The following SLC4A1AP variants were observed in gnomAD, a reference collection of about 807,000 sequenced individuals.
The protein encoded by SLC4A1AP is kanadaptin.
Under a neutral mutation model 89.7 loss-of-function variants are expected in SLC4A1AP, and 64 were observed. That is an observed-to-expected ratio of 0.71 (90% CI 0.58 to 0.88). SLC4A1AP has a LOEUF of 0.88. SLC4A1AP is among the 40% of genes least tolerant of loss of function. SLC4A1AP has a pLI of 0.00. For synonymous variants in SLC4A1AP, 366 were observed against 353.3 expected (o/e 1.04, Z -0.40); for missense variants, 931 against 965.0 (o/e 0.96, Z 0.47).
exon 1 of SLC4A1AP, chr2:27,664,123 A>T (rs1238073748): frequency 6.2e-7 from 1 of 1,614,024 alleles, no homozygotes; most frequent in Admixed American, 1.7e-5. Context: ...CCTCAGCCGG[A>T]CTGCGGTGAT....
chr2:27,668,344 G>A (rs1184633427), intron 3 of SLC4A1AP, among the ~76,000 whole-genome samples: 1 of 152,106 alleles, frequency 6.6e-6, no homozygotes, highest in East Asian at 1.9e-4. Flanking sequence ...TAGAGACGGG[G>A]TTTCACTGTG....
chr2:27,691,099 C>T (rs977431569), intron 12 of SLC4A1AP, among the ~76,000 whole-genome samples: 1 of 151,996 alleles, frequency 6.6e-6, no homozygotes, highest in African/African-American at 2.4e-5. Flanking sequence ...TTTTGGAATA[C>T]TTTCAGTAAG....
intron 5 of SLC4A1AP, among the ~76,000 whole-genome samples, chr2:27,671,878 T>A (rs539758577): frequency 5.9e-5 from 9 of 152,192 alleles, no homozygotes; most frequent in Non-Finnish European, 1.3e-4. Context: ...GTATAGGAAA[T>A]AAATTTTATT....
rs746700084 is a variant in SLC4A1AP at position 27,664,087 on chromosome 2, A to C, written c.335A>C (p.Asn112Thr). 3.1e-6 allele frequency: 5 copies of C among 1,614,056 alleles called. No homozygotes were observed. The highest frequency in any genetic ancestry group is 1.1e-5 in the South Asian group (1 of 91,090). Reference sequence around the variant, plus strand: ...GGGCCCACTGCGTTGCAGGACTCCAATTCTGGGGAGCCCGACATCCCTCCT... The same window carrying C: ...GGGCCCACTGCGTTGCAGGACTCCACTTCTGGGGAGCCCGACATCCCTCCT... Residue 112 changes from asparagine to threonine, a missense_variant, in exon 1 of 14, where the codon AAT becomes ACT. Physicochemically the swap from Asn to Thr is moderately conservative, Grantham distance 65 (BLOSUM62 0). Transcript: ENST00000613058.
intron 8 of SLC4A1AP, 63 bp downstream of exon 8, chr2:27,677,987 A>G: frequency 9.4e-7 from 1 of 1,064,660 alleles, no homozygotes; most frequent in Admixed American, 2.8e-5. Flanking sequence ...ATTTTCAATT[A>G]TCGCTTTATC....
At chr2:27,679,686 G>C (rs1675587225) in intron 8 of SLC4A1AP, among the ~76,000 whole-genome samples, 1 of 152,078 alleles carries the variant, frequency 6.6e-6, no homozygotes, top group South Asian at 2.1e-4. Flanking sequence ...ATAAGATACA[G>C]AAACACTATC....
chr2:27,664,704 C>G, intron 1 of SLC4A1AP, 127 bp downstream of exon 1: 1 of 719,572 alleles, frequency 1.4e-6, no homozygotes, highest in Non-Finnish European at 2.3e-6. Flanking sequence ...TCAAGTCTGG[C>G]CTATCATCTT....
exon 1 of SLC4A1AP, chr2:27,663,908 G>C (rs147497764): frequency 6.2e-7 from 1 of 1,614,044 alleles, no homozygotes; most frequent in South Asian, 1.1e-5. Context: ...AGTTGCACCG[G>C]TTGAGGATGG....
chr2:27,669,915 G>A (rs1048718942), intron 5 of SLC4A1AP, among the ~76,000 whole-genome samples: 1 of 152,174 alleles, frequency 6.6e-6, no homozygotes, highest in Admixed American at 6.5e-5. Context: ...CCAGGCTAGA[G>A]TGCAATGGCG....
Position 27,682,380 on chromosome 2 carries a change from T to A in SLC4A1AP, c.1875+21T>A. 3 of 1,485,142 alleles carry A rather than the reference T, an allele frequency of 2.0e-6. No individual in the cohort carries two copies. In the Admixed American group the frequency reaches 5.3e-5, roughly 26 times the overall value. 92.0% of individuals were successfully genotyped at this position (1,485,142 alleles called of 1,614,324 possible). ...TAGGGGTAAGTTGTGAGTCAGGGTG[T>A]TAAACTTTTAGCCCTTGAGTTATCC... On this transcript the variant is annotated intron_variant, in intron 9 of 13. Coordinates refer to ENST00000613058, the Ensembl canonical transcript of SLC4A1AP.
At chr2:27,683,286 T>A (rs879875315) in intron 9 of SLC4A1AP, among the ~76,000 whole-genome samples, 10 of 152,252 alleles carry the variant, frequency 6.6e-5, no homozygotes, top group Non-Finnish European at 1.2e-4. Flanking sequence ...ATTCATAGAT[T>A]CAGCTTTTAA....
chr2:27,682,720 C>G (rs766009600), intron 9 of SLC4A1AP, among the ~76,000 whole-genome samples: 4 of 152,044 alleles, frequency 2.6e-5, no homozygotes, highest in Non-Finnish European at 5.9e-5. Context: ...GATGGGACTT[C>G]ACCATGTTGG....
At chr2:27,668,265 C>T (rs2148131153) in intron 3 of SLC4A1AP, among the ~76,000 whole-genome samples, 1 of 151,950 alleles carries the variant, frequency 6.6e-6, no homozygotes, top group Admixed American at 6.6e-5. Context: ...TCTCCTGCGT[C>T]AGCCTCCCGA....
intron 5 of SLC4A1AP, among the ~76,000 whole-genome samples, chr2:27,672,697 G>T (rs183293136): frequency 5.3e-5 from 8 of 152,234 alleles, no homozygotes; most frequent in African/African-American, 1.7e-4. Context: ...GAATATATAG[G>T]TGGGGTTTCT....
In SLC4A1AP at chr2:27,664,585, G is replaced by C. The variant is rs1675272752; in HGVS notation, c.825+8G>C. On this transcript the variant is annotated splice_region_variant and intron_variant, in intron 1 of 13. Transcript: ENST00000613058. The stretch of plus-strand genomic sequence containing the variant: ...CGGCTCTTTATCCTGCAGGTAGGTA[G>C]AAAAACCTAGAATTGAAATTTCGGG... 1.3e-6 allele frequency: 2 copies of C among 1,589,080 alleles called. No individual in the cohort carries two copies. Among genetic ancestry groups the C allele is most frequent in the Non-Finnish European group, 1.7e-6 (2 of 1,164,860 alleles).
exon 1 of SLC4A1AP, chr2:27,664,407 G>C (rs760219970): frequency 6.2e-7 from 1 of 1,614,206 alleles, no homozygotes; most frequent in Non-Finnish European, 8.5e-7. Context: ...CAGGGCGTCC[G>C]GCCCTGACGG....
At chr2:27,663,890 G>T in exon 1 of SLC4A1AP, 1 of 1,614,164 alleles carries the variant, frequency 6.2e-7, no homozygotes, top group Non-Finnish European at 8.5e-7. Context: ...CGAAGGAGCG[G>T]ATTTCGAAGT....
chr2:27,669,476 G>A (rs1675386995), intron 5 of SLC4A1AP, 89 bp downstream of exon 5: 2 of 1,285,362 alleles, frequency 1.6e-6, no homozygotes, highest in African/African-American at 1.5e-5. Flanking sequence ...GGGGGAAAAT[G>A]TAAATTGTAC....
chr2:27,684,663 T>A lies in SLC4A1AP; in HGVS notation c.1876-374T>A, dbSNP rs185600217. ...AAAATGAAAAAGCAGCACAAATGAC[T>A]TATTTCTGATTGTCTGATTTATTCC... is the stretch of plus-strand genomic sequence containing the variant. On this transcript the variant is annotated intron_variant, in intron 9 of 13. Transcript: ENST00000613058. Among the ~76,000 whole-genome samples the A allele has an allele frequency of 1.4e-3, 218 of 152,330 alleles. 1 individual carries two copies. The highest frequency in any genetic ancestry group is 5.7e-3 in the Admixed American group (87 of 15,308).
Sources: allele counts gnomAD v4.1 joint callset (sites outside exome capture counted in the v4.1 genomes callset), GRCh38; gene constraint gnomAD v4.1.1; transcripts MANE v1.5; gene names NCBI Gene and HGNC (gene_info 2026-07-23, HGNC 2026-07-21).